Variants in CTDSPL observed in about 807,000 individuals in gnomAD.
CTDSPL encodes CTD small phosphatase-like protein.
A neutral mutation model predicts 30.5 loss-of-function variants in CTDSPL; 8 were observed. That is an observed-to-expected ratio of 0.26 (90% CI 0.15 to 0.47). The LOEUF is 0.47. CTDSPL is among the 20% of genes least tolerant of loss of function. CTDSPL has a pLI of 0.99. For missense variants in CTDSPL, 248 were observed against 366.1 expected (o/e 0.68, Z 2.63); for synonymous variants, 110 against 137.9 (o/e 0.80, Z 1.42).
chr3:37,963,996 T>C (rs960533500), intron 3 of CTDSPL, among the ~76,000 whole-genome samples: 3 of 127,402 alleles, frequency 2.4e-5, no homozygotes, highest in African/African-American at 9.2e-5. Context: ...GGTGGGCCTA[T>C]AGTTTGTCTT....
chr3:37,951,256 T>C (rs1418701944), intron 2 of CTDSPL, among the ~76,000 whole-genome samples: 2 of 152,038 alleles, frequency 1.3e-5, no homozygotes, highest in African/African-American at 4.8e-5. Flanking sequence ...TAGTCCCAGC[T>C]ACTTGGGAGG....
At chr3:37,932,924 A>G (rs1175655619) in intron 1 of CTDSPL, among the ~76,000 whole-genome samples, 1 of 152,150 alleles carries the variant, frequency 6.6e-6, no homozygotes, top group Non-Finnish European at 1.5e-5. Flanking sequence ...AGGCCGAGGC[A>G]TGTGGATTAG....
intron 1 of CTDSPL, among the ~76,000 whole-genome samples, chr3:37,896,864 T>G (rs1198835722): frequency 6.6e-6 from 1 of 152,120 alleles, no homozygotes; most frequent in Non-Finnish European, 1.5e-5. Flanking sequence ...GTGTGATACT[T>G]AGAAATGCAG....
intron 1 of CTDSPL, among the ~76,000 whole-genome samples, chr3:37,880,436 T>C (rs181452432): frequency 3.3e-4 from 51 of 152,336 alleles, no homozygotes; most frequent in Admixed American, 3.0e-3. Context: ...GATGCCACTT[T>C]TGCCTCTGTC....
intron 1 of CTDSPL, among the ~76,000 whole-genome samples, chr3:37,915,482 T>G (rs1305782216): frequency 6.6e-6 from 1 of 152,198 alleles, no homozygotes; most frequent in African/African-American, 2.4e-5. Flanking sequence ...TTTTCTGTCC[T>G]TGTGTCTTTC....
intron 1 of CTDSPL, among the ~76,000 whole-genome samples, chr3:37,901,288 C>A (rs1383016676): frequency 6.6e-6 from 1 of 152,168 alleles, no homozygotes; most frequent in East Asian, 1.9e-4. Context: ...GAAGGGAGAA[C>A]TCAGATCCAC....
chr3:37,972,864 G>C (rs1158747301), intron 6 of CTDSPL, among the ~76,000 whole-genome samples: 1 of 152,244 alleles, frequency 6.6e-6, no homozygotes, highest in Non-Finnish European at 1.5e-5. Context: ...CCAAAGATGA[G>C]TTTTCTGGGG....
chr3:37,979,321 A>AAG (rs1699463765), intron 7 of CTDSPL, among the ~76,000 whole-genome samples: 2 of 151,730 alleles, frequency 1.3e-5, no homozygotes, highest in African/African-American at 4.8e-5. Flanking sequence ...GAAAAAAAAA[A>AAG]GGCTGGGGTG....
At chr3:37,934,424 T>C (rs1313802313) in intron 1 of CTDSPL, among the ~76,000 whole-genome samples, 1 of 152,208 alleles carries the variant, frequency 6.6e-6, no homozygotes, top group Non-Finnish European at 1.5e-5. Context: ...CAAACACTTT[T>C]GAATTCTTAC....
At position 37,947,129 on chromosome 3, in the gene CTDSPL, G is replaced by T; in HGVS notation, c.152G>T (p.Arg51Leu). 1 of 1,613,580 alleles carries T rather than the reference G, an allele frequency of 6.2e-7. No individual in the cohort carries two copies. ...CTTAGCTCCTTCTTCTGCTGCTTCC[G>T]TGATTACAATGTGGAGGCCCCTCCA... ...SILSSFFCCF[R>L]DYNVEAPPPS... The change falls in exon 2 of 8, where the codon CGT (arginine) becomes CTT (leucine). Residue 51 changes from arginine (R) to leucine (L), a missense_variant. Arg to Leu is a moderately radical substitution (Grantham distance 102, BLOSUM62 -2). Around this residue, in one of 4 missense-constraint regions of CTDSPL, gnomAD observed 118 missense variants for 124.7 expected, o/e 0.95. Coordinates refer to ENST00000273179, the MANE Select transcript of CTDSPL (RefSeq NM_001008392.2).
intron 3 of CTDSPL, among the ~76,000 whole-genome samples, chr3:37,962,015 A>AC (rs1203695989): frequency 6.6e-6 from 1 of 151,074 alleles, no homozygotes; most frequent in Admixed American, 6.6e-5. Context: ...TCCTCCACCC[A>AC]CCCCCCGGCA....
At chr3:37,921,887 A>G (rs1045298244) in intron 1 of CTDSPL, among the ~76,000 whole-genome samples, 2 of 152,076 alleles carry the variant, frequency 1.3e-5, no homozygotes, top group African/African-American at 4.8e-5. Context: ...GGTCATGGGG[A>G]ATGAAGACTT....
intron 1 of CTDSPL, among the ~76,000 whole-genome samples, chr3:37,871,040 A>G (rs569472535): frequency 6.6e-6 from 1 of 152,310 alleles, no homozygotes; most frequent in South Asian, 2.1e-4. Context: ...GTATAATTAC[A>G]TATACCTACC....
At chr3:37,946,611 A>G (rs189380122) in intron 1 of CTDSPL, among the ~76,000 whole-genome samples, 1 of 152,320 alleles carries the variant, frequency 6.6e-6, no homozygotes, top group Non-Finnish European at 1.5e-5. Flanking sequence ...CCTAGATTCA[A>G]AGTGATTATT....
intron 1 of CTDSPL, among the ~76,000 whole-genome samples, chr3:37,938,232 A>G (rs1698936668): frequency 6.7e-6 from 1 of 150,038 alleles, no homozygotes; most frequent in African/African-American, 2.4e-5. Context: ...GTGGGTGGGT[A>G]TGCTCAGGAA....
chr3:37,972,621 A>G (rs1699379962), intron 6 of CTDSPL, among the ~76,000 whole-genome samples: 1 of 152,208 alleles, frequency 6.6e-6, no homozygotes, highest in Non-Finnish European at 1.5e-5. Flanking sequence ...TGTCCTCTCC[A>G]CTGTTTAAGG....
intron 6 of CTDSPL, among the ~76,000 whole-genome samples, chr3:37,974,081 T>C (rs1575325219): frequency 6.6e-6 from 1 of 152,220 alleles, no homozygotes; most frequent in Admixed American, 6.5e-5. Flanking sequence ...TTGTTAGTGA[T>C]AGTGTATTTT....
At chr3:37,957,583 G>T (rs1209773798) in intron 3 of CTDSPL, among the ~76,000 whole-genome samples, 2 of 152,168 alleles carry the variant, frequency 1.3e-5, no homozygotes, top group African/African-American at 4.8e-5. Context: ...CAGGTGACCA[G>T]ACTGTTTCTA....
At chr3:37,914,917 T>G (rs1698628034) in intron 1 of CTDSPL, among the ~76,000 whole-genome samples, 2 of 142,304 alleles carry the variant, frequency 1.4e-5, no homozygotes, top group Admixed American at 1.4e-4. Flanking sequence ...GGTCTCACTC[T>G]GTTGCTTAGG....
Sources: gnomAD v4.1 joint callset for allele counts (sites outside exome capture counted in the v4.1 genomes callset) on GRCh38, gnomAD v4.1.1 for gene constraint, gnomAD v4.1.1 regional missense constraint, MANE v1.5 for transcripts, NCBI Gene and HGNC (gene_info 2026-07-23, HGNC 2026-07-21) for gene names.